The following FSTL4 variants were observed in gnomAD, a reference collection of about 807,000 sequenced individuals.
FSTL4 encodes the protein follistatin like 4, also known as follistatin-related protein 4.
FSTL4 carries 28 observed loss-of-function variants against 78.2 expected under a neutral mutation model. The ratio of observed to expected loss-of-function variants is 0.36; its 90% CI spans 0.27 to 0.49. The LOEUF is 0.49. Ranked by LOEUF, FSTL4 falls within the 20% of genes least tolerant of loss-of-function variation. The pLI is 0.98. For missense variants in FSTL4, 922 were observed against 1,084.9 expected (o/e 0.85, Z 2.11); for synonymous variants, 422 against 440.5 (o/e 0.96, Z 0.53).
At chr5:133,240,016 A>T (rs748483400) in intron 7 of FSTL4, among the ~76,000 whole-genome samples, 1 of 152,202 alleles carries the variant, frequency 6.6e-6, no homozygotes, top group Admixed American at 6.5e-5. Context: ...CTTTCCACGC[A>T]GTGGAAGCTT....
chr5:133,640,493 C>T, the FSTL4 span, among the ~76,000 whole-genome samples: 1 of 152,156 alleles, frequency 6.6e-6, no homozygotes, highest in Non-Finnish European at 1.5e-5. Context: ...GAGTTGAGCT[C>T]TAATTATCCC....
chr5:133,363,729 C>T (rs920007845), intron 4 of FSTL4, among the ~76,000 whole-genome samples: 6 of 152,106 alleles, frequency 3.9e-5, no homozygotes, highest in South Asian at 2.1e-4. Context: ...GCTGGCAGGC[C>T]GTGGACCACA....
At chr5:133,303,409 C>T (rs1415237003) in intron 6 of FSTL4, among the ~76,000 whole-genome samples, 2 of 152,238 alleles carry the variant, frequency 1.3e-5, no homozygotes, top group Non-Finnish European at 2.9e-5. Flanking sequence ...GCAGTAGTAG[C>T]TCAGGTGTCC....
At chr5:133,289,773 C>CAACCTGATGGTACCAT (rs1319427981) in intron 6 of FSTL4, among the ~76,000 whole-genome samples, 1 of 152,238 alleles carries the variant, frequency 6.6e-6, no homozygotes, top group African/African-American at 2.4e-5. Flanking sequence ...ACTGGTAACA[C>CAACCTGATGGTACCAT]AACCTGATGG....
chr5:133,515,882 T>C (rs1286288510), intron 3 of FSTL4, among the ~76,000 whole-genome samples: 1 of 152,156 alleles, frequency 6.6e-6, no homozygotes, highest in African/African-American at 2.4e-5. Context: ...ATTCCGTATA[T>C]TGAAAAAATT....
At chr5:133,718,134 C>T in the FSTL4 span, among the ~76,000 whole-genome samples, 1 of 151,860 alleles carries the variant, frequency 6.6e-6, no homozygotes, top group Non-Finnish European at 1.5e-5. Flanking sequence ...ACTCTGTCAC[C>T]CAGGCTGGAG....
At chr5:133,788,458 G>A in the FSTL4 span, among the ~76,000 whole-genome samples, 1 of 152,236 alleles carries the variant, frequency 6.6e-6, no homozygotes, top group Non-Finnish European at 1.5e-5. Flanking sequence ...CCTGGACCTT[G>A]GCAAGTGCCG....
chr5:133,569,980 C>A (rs916290827), intron 2 of FSTL4, among the ~76,000 whole-genome samples: 1 of 151,962 alleles, frequency 6.6e-6, no homozygotes, highest in African/African-American at 2.4e-5. Context: ...GAGGCTGAGG[C>A]GGGCGGATCA....
chr5:133,529,556 T>C (rs1440179067), intron 3 of FSTL4, among the ~76,000 whole-genome samples: 1 of 152,228 alleles, frequency 6.6e-6, no homozygotes, highest in Non-Finnish European at 1.5e-5. Context: ...TTTTAATTTA[T>C]TGAATTCTCC....
At position 133,225,126 on chromosome 5, in the gene FSTL4, A is replaced by G. The variant is rs375409427; in HGVS notation, c.1312+24T>C. ...AACACCTCCCAGCCAGCTCAGTGAG[A>G]AGCATAAACGCGTGTCGACTTACGG... On this transcript the variant is annotated intron_variant, in intron 10 of 15. Transcript: ENST00000265342. This position sits in a 1 kb window ranked among gnomAD's most constrained non-coding sequence, Gnocchi z 4.6. 1.2e-6 allele frequency: 2 copies of G among 1,613,978 alleles called. No homozygotes were observed.
rs113743906 is a variant in FSTL4, at chr5:133,530,617, C to T, written c.160+36569G>A. ...AATATCTTGCATGTGTCCTGGAGAA[C>T]ATATGAGTTTAGCTAGAAAGAGAAC... On this transcript the variant is annotated intron_variant, in intron 3 of 15. Coordinates refer to ENST00000265342, the MANE Select transcript of FSTL4 (RefSeq NM_015082.2). 2.8e-3 allele frequency among the ~76,000 whole-genome samples: 420 copies of T among 152,320 alleles called. 3 individuals carry two copies. The highest frequency in any genetic ancestry group is 0.01 in the Middle Eastern group (3 of 294).
At chr5:133,517,447 A>AAAAAAAAAAAAATATATATAT (rs1554068019) in intron 3 of FSTL4, among the ~76,000 whole-genome samples, 1 of 16,414 alleles carries the variant, frequency 6.1e-5, no homozygotes, top group Non-Finnish European at 1.0e-4. Flanking sequence ...AAAAAAAAAA[A>AAAAAAAAAAAAATATATATAT]ATATATATAT....
At chr5:133,658,265 G>T in the FSTL4 span, among the ~76,000 whole-genome samples, 3 of 152,010 alleles carry the variant, frequency 2.0e-5, no homozygotes, top group Non-Finnish European at 2.9e-5. Context: ...TCATTTTTAG[G>T]ATCAGGTTTA....
intron 3 of FSTL4, among the ~76,000 whole-genome samples, chr5:133,411,444 A>G (rs1254706772): frequency 6.6e-6 from 1 of 152,210 alleles, no homozygotes; most frequent in Admixed American, 6.5e-5. Flanking sequence ...AAGTCTTCCA[A>G]GGTTAAGAAT....
the FSTL4 span, among the ~76,000 whole-genome samples, chr5:133,821,423 T>C: frequency 2.6e-5 from 4 of 152,234 alleles, no homozygotes; most frequent in African/African-American, 7.2e-5. Flanking sequence ...AGTGACCACA[T>C]GTCCTGGCTT....
intron 3 of FSTL4, among the ~76,000 whole-genome samples, chr5:133,527,905 C>G (rs1466666216): frequency 1.3e-5 from 2 of 152,186 alleles, no homozygotes; most frequent in Non-Finnish European, 2.9e-5. Context: ...CTTCCCACCC[C>G]CAAGGAACAC....
chr5:133,407,323 T>C (rs1317483403), intron 3 of FSTL4, among the ~76,000 whole-genome samples: 1 of 152,226 alleles, frequency 6.6e-6, no homozygotes, highest in Non-Finnish European at 1.5e-5. Flanking sequence ...TCTCCTGCTA[T>C]TTTGCCTGAA....
At chr5:133,804,817 G>A in the FSTL4 span, among the ~76,000 whole-genome samples, 114 of 151,902 alleles carry the variant, frequency 7.5e-4, no homozygotes, top group African/African-American at 2.5e-3. Flanking sequence ...TGTGGCGGGC[G>A]CCTGTAGTCC....
chr5:133,693,074 A>G, the FSTL4 span, among the ~76,000 whole-genome samples: 3 of 152,236 alleles, frequency 2.0e-5, no homozygotes, highest in African/African-American at 7.2e-5. Flanking sequence ...TTGAATGAGT[A>G]TGAACTAAAC....
Sources: allele counts gnomAD v4.1 joint callset (sites outside exome capture counted in the v4.1 genomes callset), GRCh38; gene constraint gnomAD v4.1.1; non-coding constraint Gnocchi (gnomAD v3.1); transcripts MANE v1.5; gene names NCBI Gene and HGNC (gene_info 2026-07-23, HGNC 2026-07-21).